CSMD1: variants seen among roughly 807,000 people sequenced by gnomAD.
CSMD1 encodes CUB and Sushi multiple domains 1.
A neutral mutation model predicts 417.5 loss-of-function variants in CSMD1; 213 were observed. That is an observed-to-expected ratio of 0.51 (90% CI 0.46 to 0.57). The LOEUF (loss-of-function observed/expected upper bound fraction) is 0.57, where lower values mean the gene tolerates loss of function less well. Among genes scored for constraint, CSMD1 ranks in the 20% least tolerant of loss-of-function variants. The pLI, the probability that CSMD1 is intolerant of heterozygous loss-of-function variation, is 0.00. For synonymous variants in CSMD1, 2,862 were observed against 1,736.8 expected (o/e 1.65, Z -16.11); for missense variants, 6,923 against 4,529.7 (o/e 1.53, Z -15.17).
chr8:3,563,442 T>TAAA (rs60108067), intron 10 of CSMD1, among the ~76,000 whole-genome samples: 120 of 62,746 alleles, frequency 1.9e-3, no homozygotes, highest in Middle Eastern at 0.015. Flanking sequence ...TATTAAAAGG[T>TAAA]AAAAAAAAAA....
At chr8:3,281,561 A>C (rs1802740874) in intron 26 of CSMD1, among the ~76,000 whole-genome samples, 2 of 152,226 alleles carry the variant, frequency 1.3e-5, no homozygotes, top group African/African-American at 2.4e-5. Context: ...GTGTCTTACT[A>C]AGTGAAAGAA....
At chr8:4,911,999 C>T (rs571640891) in intron 1 of CSMD1, among the ~76,000 whole-genome samples, 2 of 151,308 alleles carry the variant, frequency 1.3e-5, no homozygotes, top group African/African-American at 4.9e-5. Flanking sequence ...AGTACGTACT[C>T]TTTTGGTCTT....
chr8:3,833,713 A>G (rs1261533269), intron 5 of CSMD1, among the ~76,000 whole-genome samples: 1 of 152,148 alleles, frequency 6.6e-6, no homozygotes, highest in Non-Finnish European at 1.5e-5. Flanking sequence ...GGTTACATAT[A>G]TATAAGGTCT....
intron 1 of CSMD1, among the ~76,000 whole-genome samples, chr8:4,844,332 T>C (rs1801011927): frequency 6.6e-6 from 1 of 152,152 alleles, no homozygotes; most frequent in Non-Finnish European, 1.5e-5. Flanking sequence ...TGATACATTT[T>C]GTTTTTTTTG....
chr8:3,413,044 C>G (rs1446241336), intron 12 of CSMD1, among the ~76,000 whole-genome samples: 1 of 152,294 alleles, frequency 6.6e-6, no homozygotes, highest in East Asian at 1.9e-4. Flanking sequence ...TCAATTTAGT[C>G]TCATCAAGCC....
chr8:4,035,553 C>T (rs1272196007), intron 3 of CSMD1, among the ~76,000 whole-genome samples: 4 of 152,080 alleles, frequency 2.6e-5, no homozygotes, highest in Admixed American at 6.5e-5. Context: ...GAGATGACCC[C>T]GTGCAGGCCT....
chr8:3,277,952 G>A (rs1171165570), intron 26 of CSMD1, among the ~76,000 whole-genome samples: 2 of 152,196 alleles, frequency 1.3e-5, no homozygotes, highest in Admixed American at 6.5e-5. Context: ...TAAAAGAAAA[G>A]TAAGCAAGCG....
At chr8:4,049,868 T>A (rs1179113059) in intron 3 of CSMD1, among the ~76,000 whole-genome samples, 1 of 151,800 alleles carries the variant, frequency 6.6e-6, no homozygotes, top group Non-Finnish European at 1.5e-5. Context: ...AAAGTCTTAT[T>A]GAATTATCTT....
At chr8:3,484,412 C>G (rs1203492613) in intron 11 of CSMD1, among the ~76,000 whole-genome samples, 1 of 152,176 alleles carries the variant, frequency 6.6e-6, no homozygotes, top group African/African-American at 2.4e-5. Flanking sequence ...CAACCTCTGT[C>G]TCATGCCATA....
chr8:3,165,885 G>C (rs1820179217), intron 37 of CSMD1, among the ~76,000 whole-genome samples: 1 of 152,082 alleles, frequency 6.6e-6, no homozygotes, highest in South Asian at 2.1e-4. Flanking sequence ...CTACAGAATG[G>C]CTCCGAAACA....
chr8:3,534,584 A>T (rs1257270789), intron 10 of CSMD1, among the ~76,000 whole-genome samples: 2 of 147,812 alleles, frequency 1.4e-5, no homozygotes, highest in Non-Finnish European at 3.0e-5. Flanking sequence ...TCAGTGACTG[A>T]TCTAAAAGTT....
chr8:3,293,798 T>G (rs1803758658), intron 25 of CSMD1, among the ~76,000 whole-genome samples: 1 of 152,220 alleles, frequency 6.6e-6, no homozygotes, highest in Non-Finnish European at 1.5e-5. Flanking sequence ...TCAGAGTAGT[T>G]TGATCATCTG....
intron 3 of CSMD1, among the ~76,000 whole-genome samples, chr8:4,148,752 C>T (rs1014209151): frequency 3.3e-5 from 5 of 152,154 alleles, no homozygotes; most frequent in Admixed American, 6.5e-5. Flanking sequence ...AAAGGCTCCA[C>T]ATCCTAATGC....
chr8:4,111,952 C>G (rs1311267495), intron 3 of CSMD1, among the ~76,000 whole-genome samples: 3 of 151,644 alleles, frequency 2.0e-5, no homozygotes, highest in Non-Finnish European at 3.0e-5. Context: ...AAAGCACAGT[C>G]TCTGTAATTT....
At chr8:3,727,015 T>A (rs966760175) in intron 6 of CSMD1, among the ~76,000 whole-genome samples, 4 of 152,188 alleles carry the variant, frequency 2.6e-5, no homozygotes, top group Admixed American at 2.0e-4. Flanking sequence ...CCTCAATATT[T>A]GCATTTATTT....
chr8:4,106,205 G>T (rs1356829757), intron 3 of CSMD1, among the ~76,000 whole-genome samples: 1 of 152,160 alleles, frequency 6.6e-6, no homozygotes, highest in Non-Finnish European at 1.5e-5. Context: ...TCTATGAGAG[G>T]AATCCAGCAT....
intron 2 of CSMD1, among the ~76,000 whole-genome samples, chr8:4,543,633 T>C (rs1484879822): frequency 3.0e-5 from 4 of 132,166 alleles, no homozygotes; most frequent in Non-Finnish European, 4.6e-5. Flanking sequence ...TAGATACCTA[T>C]GATGGCTGGA....
chr8:4,653,258 T>G (rs1005056349), intron 1 of CSMD1, among the ~76,000 whole-genome samples: 4 of 151,866 alleles, frequency 2.6e-5, no homozygotes, highest in Non-Finnish European at 4.4e-5. Flanking sequence ...TATAAAGGAG[T>G]GATTGGATCC....
intron 1 of CSMD1, among the ~76,000 whole-genome samples, chr8:4,964,674 T>C (rs938593192): frequency 6.6e-6 from 1 of 152,106 alleles, no homozygotes; most frequent in African/African-American, 2.4e-5. Context: ...TTCTCAGAGA[T>C]TCTCCATTCT....
Sources: gnomAD v4.1 joint callset for allele counts (sites outside exome capture counted in the v4.1 genomes callset) on GRCh38, gnomAD v4.1.1 for gene constraint, MANE v1.5 for transcripts, NCBI Gene and HGNC (gene_info 2026-07-23, HGNC 2026-07-21) for gene names.